Variants in NEDD9 observed in about 807,000 individuals in gnomAD.
NEDD9 encodes the protein neural precursor cell expressed, developmentally down-regulated 9.
NEDD9 carries 26 observed loss-of-function variants against 76.6 expected under a neutral mutation model. The observed-to-expected ratio is 0.34, with a 90% CI of 0.25 to 0.47. The LOEUF (loss-of-function observed/expected upper bound fraction) is 0.47. Among genes scored for constraint, NEDD9 ranks in the 20% least tolerant of loss-of-function variants. The pLI, the probability that NEDD9 is intolerant of heterozygous loss-of-function variation, is 1.00. For missense variants in NEDD9, 937 were observed against 1,058.5 expected (o/e 0.89, Z 1.59); for synonymous variants, 392 against 414.2 (o/e 0.95, Z 0.65).
intron 2 of NEDD9, chr6:11,200,940 T>C (rs754712435): frequency 6.2e-7 from 1 of 1,614,038 alleles, no homozygotes; most frequent in African/African-American, 1.3e-5. Context: ...TCAGGACACT[T>C]TATTAAAATG....
At chr6:11,307,272 C>G (rs1761211783) in intron 2 of NEDD9, among the ~76,000 whole-genome samples, 1 of 152,172 alleles carries the variant, frequency 6.6e-6, no homozygotes, top group Non-Finnish European at 1.5e-5. Context: ...TTCACTTCTA[C>G]CAGGATGGGA....
At chr6:11,358,504 A>G (rs1288086089) in intron 1 of NEDD9, among the ~76,000 whole-genome samples, 2 of 152,212 alleles carry the variant, frequency 1.3e-5, no homozygotes, top group African/African-American at 4.8e-5. Context: ...GAAAACTGTT[A>G]GAGAATAAAT....
chr6:11,376,483 A>G (rs1204606975), intron 1 of NEDD9, among the ~76,000 whole-genome samples: 1 of 152,190 alleles, frequency 6.6e-6, no homozygotes, highest in Non-Finnish European at 1.5e-5. Flanking sequence ...CCTAACAAAG[A>G]ACTTGGTTGC....
At chr6:11,257,418 A>T (rs994874040) in intron 3 of NEDD9, among the ~76,000 whole-genome samples, 5 of 152,136 alleles carry the variant, frequency 3.3e-5, no homozygotes. Context: ...AAGGATCTGG[A>T]GAGGGAAGAG....
At chr6:11,238,826 C>T (rs973154128) in intron 3 of NEDD9, among the ~76,000 whole-genome samples, 1 of 152,136 alleles carries the variant, frequency 6.6e-6, no homozygotes, top group Admixed American at 6.5e-5. Flanking sequence ...GTATGAGCCG[C>T]AGTAGGCTTA....
intron 3 of NEDD9, among the ~76,000 whole-genome samples, chr6:11,248,274 G>A (rs1031703592): frequency 1.1e-4 from 17 of 152,078 alleles, no homozygotes; most frequent in African/African-American, 4.1e-4. Flanking sequence ...TAGAAGTCAT[G>A]TGCCAGATAC....
chr6:11,369,606 C>T (rs1238081957), intron 1 of NEDD9, among the ~76,000 whole-genome samples: 1 of 152,154 alleles, frequency 6.6e-6, no homozygotes, highest in Non-Finnish European at 1.5e-5. Context: ...CAGACAATGT[C>T]TACTGCAGAA....
intron 3 of NEDD9, among the ~76,000 whole-genome samples, chr6:11,277,150 A>C (rs1050066165): frequency 1.3e-5 from 2 of 152,194 alleles, no homozygotes; most frequent in African/African-American, 4.8e-5. Flanking sequence ...AAAGACATCC[A>C]CTGGGAAAGC....
chr6:11,194,459 G>T (rs575302705), intron 2 of NEDD9, among the ~76,000 whole-genome samples: 1 of 152,190 alleles, frequency 6.6e-6, no homozygotes, highest in South Asian at 2.1e-4. Context: ...TCCTCAGTAT[G>T]CCTCTTCATT....
At chr6:11,331,940 T>C (rs1389432678) in intron 2 of NEDD9, among the ~76,000 whole-genome samples, 1 of 152,166 alleles carries the variant, frequency 6.6e-6, no homozygotes, top group African/African-American at 2.4e-5. Context: ...AATGCAGTAA[T>C]AGCTGTTTTT....
chr6:11,369,449 C>T (rs1172947358), intron 1 of NEDD9, among the ~76,000 whole-genome samples: 1 of 152,168 alleles, frequency 6.6e-6, no homozygotes, highest in Non-Finnish European at 1.5e-5. Context: ...TTATTAGGAA[C>T]TCCCCATTTC....
At chr6:11,270,709 C>CTGTTAGTATGTTA (rs1221229018) in intron 3 of NEDD9, among the ~76,000 whole-genome samples, 1 of 152,228 alleles carries the variant, frequency 6.6e-6, no homozygotes, top group Non-Finnish European at 1.5e-5. Flanking sequence ...TTACTTAACA[C>CTGTTAGTATGTTA]AGCACTTAGA....
Position 11,310,600 on chromosome 6 carries a change from C to T in NEDD9, c.-152-4445G>A, listed in dbSNP as rs1195029116. Among the ~76,000 whole-genome samples the T allele has an allele frequency of 2.6e-5, 4 of 152,218 alleles. No homozygotes were observed. The East Asian group carries it at 5.8e-4, about 22-fold the overall frequency. ...GTAGTTCCCTGGCCAGCTCACCCTC[C>T]TCTTCTCCTATTTTTCTAATTAAAA... On this transcript the variant is annotated intron_variant, in intron 2 of 3. Transcript: ENST00000397378.
intron 5 of NEDD9, among the ~76,000 whole-genome samples, chr6:11,188,728 C>G (rs1039279526): frequency 1.3e-5 from 2 of 152,172 alleles, no homozygotes; most frequent in African/African-American, 4.8e-5. Flanking sequence ...CAGGGTCAGA[C>G]AACCAGTAAG....
chr6:11,335,587 C>T (rs560460090), intron 1 of NEDD9, among the ~76,000 whole-genome samples: 106 of 152,342 alleles, frequency 7.0e-4, no homozygotes, highest in African/African-American at 2.4e-3. Context: ...TGACCTCTCG[C>T]CAACCGACTA....
chr6:11,210,476 T>G (rs566870715), intron 2 of NEDD9, among the ~76,000 whole-genome samples: 11 of 152,272 alleles, frequency 7.2e-5, no homozygotes, highest in African/African-American at 2.6e-4. Context: ...GCAAATTGCT[T>G]TATTAAGCCA....
At chr6:11,299,280 G>T (rs193279545) in intron 3 of NEDD9, among the ~76,000 whole-genome samples, 3 of 152,208 alleles carry the variant, frequency 2.0e-5, no homozygotes, top group Non-Finnish European at 2.9e-5. Context: ...GCAGCTTGAG[G>T]GGGGGAGGGG....
upstream of NEDD9, among the ~76,000 whole-genome samples, chr6:11,237,369 C>T (rs1031003783): frequency 1.3e-5 from 2 of 152,052 alleles, no homozygotes; most frequent in Admixed American, 6.6e-5. This position sits in a 1 kb window ranked among gnomAD's most constrained non-coding sequence, Gnocchi z 4.9. Context: ...CTTCAAAGAA[C>T]GTATGTTTAT....
At chr6:11,205,097 T>C (rs1035700083) in intron 2 of NEDD9, among the ~76,000 whole-genome samples, 2 of 152,204 alleles carry the variant, frequency 1.3e-5, no homozygotes, top group Non-Finnish European at 2.9e-5. Context: ...AGCCGGGATG[T>C]AAAAATCATT....
Sources: gnomAD v4.1 joint callset for allele counts (sites outside exome capture counted in the v4.1 genomes callset) on GRCh38, gnomAD v4.1.1 for gene constraint, Gnocchi (gnomAD v3.1) non-coding constraint, MANE v1.5 for transcripts, NCBI Gene and HGNC (gene_info 2026-07-23, HGNC 2026-07-21) for gene names.